PHLPP1: variants seen among roughly 807,000 people sequenced by gnomAD.
PHLPP1 encodes PH domain and leucine rich repeat protein phosphatase 1, also known as PH domain leucine-rich repeat-containing protein phosphatase 1.
A neutral mutation model predicts 117.2 loss-of-function variants in PHLPP1; 42 were observed. The observed-to-expected ratio is 0.36, with a 90% CI of 0.28 to 0.46. The LOEUF is 0.46. PHLPP1 is among the 20% of genes least tolerant of loss of function. The probability of loss-of-function intolerance (pLI) is 1.00; values close to 1 mark genes in which losing one functional copy is unlikely to be tolerated. For synonymous variants in PHLPP1, 1,042 were observed against 970.7 expected (o/e 1.07, Z -1.37); for missense variants, 2,084 against 2,241.9 (o/e 0.93, Z 1.42).
intron 4 of PHLPP1, among the ~76,000 whole-genome samples, chr18:62,889,933 A>G (rs1916367038): frequency 6.6e-6 from 1 of 152,102 alleles, no homozygotes; most frequent in Admixed American, 6.5e-5. Flanking sequence ...GAACATTTCC[A>G]TTAGGACTAG....
At chr18:62,849,241 C>G (rs544873653) in intron 3 of PHLPP1, among the ~76,000 whole-genome samples, 23 of 152,292 alleles carry the variant, frequency 1.5e-4, no homozygotes, top group Non-Finnish European at 2.8e-4. Context: ...TGATTCTTTG[C>G]AAACTGGTCA....
chr18:62,961,844 A>G (rs551358389), intron 13 of PHLPP1, among the ~76,000 whole-genome samples: 1 of 152,346 alleles, frequency 6.6e-6, no homozygotes, highest in African/African-American at 2.4e-5. Context: ...AATGTTTGCT[A>G]GTAATTGAGA....
chr18:62,840,039 T>G (rs989917938), intron 3 of PHLPP1, among the ~76,000 whole-genome samples: 1 of 152,058 alleles, frequency 6.6e-6, no homozygotes, highest in Non-Finnish European at 1.5e-5. Context: ...ATTTTTGAAT[T>G]GGTAATTTAA....
intron 1 of PHLPP1, among the ~76,000 whole-genome samples, chr18:62,810,040 T>C (rs1167308199): frequency 6.6e-6 from 1 of 152,252 alleles, no homozygotes; most frequent in Non-Finnish European, 1.5e-5. Flanking sequence ...TTCTGAGTGC[T>C]AAGAGAGCTT....
intron 1 of PHLPP1, among the ~76,000 whole-genome samples, chr18:62,735,318 A>G (rs1568097874): frequency 6.6e-6 from 1 of 152,110 alleles, no homozygotes; most frequent in South Asian, 2.1e-4. Flanking sequence ...TCCTTAGTTC[A>G]AGTAATCCGC....
At chr18:62,745,284 A>G (rs1911643667) in intron 1 of PHLPP1, among the ~76,000 whole-genome samples, 1 of 152,144 alleles carries the variant, frequency 6.6e-6, no homozygotes, top group South Asian at 2.1e-4. Flanking sequence ...TATTTAGTTT[A>G]TCATGATTAA....
chr18:62,893,075 T>C (rs1281208590), intron 4 of PHLPP1, among the ~76,000 whole-genome samples: 2 of 150,834 alleles, frequency 1.3e-5, no homozygotes, highest in African/African-American at 4.9e-5. Flanking sequence ...AGAGTCTCGC[T>C]CTATCGCCCA....
rs761620812 is a variant in PHLPP1 at position 62,895,115 on chromosome 18, A to G, written c.2171A>G (p.Asn724Ser). The G allele has an allele frequency of 1.8e-5, 29 of 1,613,858 alleles. No individual in the cohort carries two copies. The Admixed American group carries it at 2.7e-4, about 15-fold the overall frequency. Residue 724 changes from asparagine to serine, a missense_variant, in exon 5 of 17, where the codon AAT (asparagine) becomes AGT (serine). Around this residue, in one of 2 missense-constraint regions of PHLPP1, gnomAD observed 1,365 missense variants for 1,605.9 expected, o/e 0.85. Coordinates refer to ENST00000262719, the MANE Select transcript of PHLPP1 (RefSeq NM_194449.4). Reference sequence around the variant, plus strand: ...CTGGCAGAGCTGAACGTGTCCTGCAATGCCCTGCGATCAGTCCCGGCAGCC... The same window carrying G: ...CTGGCAGAGCTGAACGTGTCCTGCAGTGCCCTGCGATCAGTCCCGGCAGCC... ...PTLAELNVSC[N>S]ALRSVPAAVG...
intron 4 of PHLPP1, among the ~76,000 whole-genome samples, chr18:62,882,454 G>T (rs1399945274): frequency 6.6e-6 from 1 of 151,716 alleles, no homozygotes; most frequent in East Asian, 1.9e-4. Flanking sequence ...TGTATTTTTA[G>T]TAGAGACGGG....
At chr18:62,808,843 C>T (rs904721735) in intron 1 of PHLPP1, among the ~76,000 whole-genome samples, 13 of 152,132 alleles carry the variant, frequency 8.5e-5, no homozygotes, top group African/African-American at 2.9e-4. Context: ...CGTGAGCCAC[C>T]GTGCCTGGCC....
chr18:62,895,154 A>C lies in PHLPP1; in HGVS notation c.2210A>C (p.His737Pro), dbSNP rs1384794581. The change falls in exon 5 of 17, where the codon CAC becomes CCC. Residue 737 changes from histidine (H) to proline (P), a missense_variant. Physicochemically the swap from His to Pro is moderately conservative, Grantham distance 77. Coordinates refer to ENST00000262719, the MANE Select transcript of PHLPP1 (RefSeq NM_194449.4). ...GTCCCGGCAGCCGTTGGAGTGATGCACAAGTGTGTACTTCAAACCCCACTG... is the reference window on the plus strand; with the variant it reads ...GTCCCGGCAGCCGTTGGAGTGATGCCCAAGTGTGTACTTCAAACCCCACTG... ...RSVPAAVGVM[H>P]NLQTFLLDGN... The C allele has an allele frequency of 1.9e-6, 3 of 1,613,378 alleles. No homozygotes were observed. In the South Asian group the frequency reaches 3.3e-5, roughly 18 times the overall value.
intron 4 of PHLPP1, among the ~76,000 whole-genome samples, chr18:62,864,989 A>G (rs1915734589): frequency 6.6e-6 from 1 of 152,156 alleles, no homozygotes; most frequent in South Asian, 2.1e-4. Flanking sequence ...TTGTTTGCAA[A>G]ATACTTAAGC....
rs1910984427 is a variant in PHLPP1 at position 62,969,163 on chromosome 18, T to G, written c.3561-3351T>G. On this transcript the variant is annotated intron_variant, in intron 14 of 16. Transcript: ENST00000262719. ...CTCAAGCAATCCTCCTGCCTTGGCC[T>G]CTCAAAGTACTGAGATTACAGGTGT... is the stretch of plus-strand genomic sequence containing the variant. Among the ~76,000 whole-genome samples the G allele has an allele frequency of 2.6e-5, 4 of 152,164 alleles. 1 individual carries two copies. In the South Asian group the frequency reaches 8.3e-4, roughly 32 times the overall value.
At chr18:62,878,157 CTATTCTGAGTGGTAATCAACTT>C (rs1173615517) in intron 4 of PHLPP1, among the ~76,000 whole-genome samples, 2 of 152,284 alleles carry the variant, frequency 1.3e-5, no homozygotes, top group South Asian at 4.1e-4. Flanking sequence ...TAGATATTTG[CTATTCTGAGTGGTAATCAACTT>C]TACTCTGCAC....
At chr18:62,811,486 G>A (rs1266449414) in intron 1 of PHLPP1, among the ~76,000 whole-genome samples, 3 of 151,280 alleles carry the variant, frequency 2.0e-5, no homozygotes, top group Admixed American at 6.6e-5. Flanking sequence ...TAAAATGGAC[G>A]AAAATTCACC....
intron 3 of PHLPP1, among the ~76,000 whole-genome samples, chr18:62,841,994 A>C (rs2079650528): frequency 6.6e-6 from 1 of 152,136 alleles, no homozygotes; most frequent in African/African-American, 2.4e-5. Context: ...CTAAGTTCCA[A>C]GTTTTAAACT....
intron 4 of PHLPP1, among the ~76,000 whole-genome samples, chr18:62,893,636 A>AGT (rs902106312): frequency 1.3e-5 from 2 of 152,238 alleles, no homozygotes; most frequent in East Asian, 1.9e-4. Context: ...TTATTTTTAG[A>AGT]GTGTGTGTGT....
At chr18:62,867,965 C>G (rs1915808254) in intron 4 of PHLPP1, among the ~76,000 whole-genome samples, 1 of 152,072 alleles carries the variant, frequency 6.6e-6, no homozygotes, top group Non-Finnish European at 1.5e-5. Flanking sequence ...GCGCCCACCA[C>G]CACGCCCGGC....
intron 1 of PHLPP1, among the ~76,000 whole-genome samples, chr18:62,829,356 C>G (rs894534044): frequency 3.3e-5 from 5 of 152,188 alleles, no homozygotes; most frequent in Admixed American, 2.0e-4. Context: ...TTTCCTATCT[C>G]AGGCTATAAT....
Sources: allele counts gnomAD v4.1 joint callset (sites outside exome capture counted in the v4.1 genomes callset), GRCh38; gene constraint gnomAD v4.1.1; regional missense constraint gnomAD v4.1.1; transcripts MANE v1.5; gene names NCBI Gene and HGNC (gene_info 2026-07-23, HGNC 2026-07-21).